Variants in DOCK8 observed in about 807,000 individuals in gnomAD.
DOCK8 encodes dedicator of cytokinesis 8.
Under a neutral mutation model 245.6 loss-of-function variants are expected in DOCK8, and 141 were observed. The ratio of observed to expected loss-of-function variants is 0.57; its 90% CI spans 0.50 to 0.66. The LOEUF (loss-of-function observed/expected upper bound fraction) is 0.66, where lower values mean the gene tolerates loss of function less well. Ranked by LOEUF, DOCK8 falls within the 30% of genes least tolerant of loss-of-function variation. The pLI is 0.00. For missense variants in DOCK8, 2,965 were observed against 2,603.4 expected (o/e 1.14, Z -3.02); for synonymous variants, 1,168 against 970.2 (o/e 1.20, Z -3.79).
In DOCK8 at chr9:353,047, T is replaced by C. The variant is rs182790848; in HGVS notation, c.1679+12726T>C. Among the ~76,000 whole-genome samples the C allele has an allele frequency of 2.9e-3, 442 of 152,324 alleles. 2 individuals are homozygous for C. The highest frequency in any genetic ancestry group is 5.1e-3 in the Non-Finnish European group (346 of 68,016). On this transcript the variant is annotated intron_variant, in intron 14 of 47. Coordinates refer to ENST00000432829, the MANE Select transcript of DOCK8 (RefSeq NM_203447.4). ...AGCCCCTGCTGTGTGTCAGACACTA[T>C]GCTTGGTGCTGAAATAGACAAGGAG...
intron 4 of DOCK8, among the ~76,000 whole-genome samples, chr9:303,535 C>G (rs1312108987): frequency 6.6e-6 from 1 of 152,110 alleles, no homozygotes; most frequent in Non-Finnish European, 1.5e-5. Flanking sequence ...CAAATTAACA[C>G]AGGAACAGAA....
intron 46 of DOCK8, 81 bp downstream of exon 46, chr9:452,198 C>T (rs1356855580): frequency 1.3e-5 from 12 of 890,586 alleles, no homozygotes; most frequent in Non-Finnish European, 2.2e-5. Context: ...TCAGCATCAC[C>T]TGAGAACTTG....
intron 14 of DOCK8, among the ~76,000 whole-genome samples, chr9:342,297 C>CTTTTTTTTTTTTTTTTT (rs34071975): frequency 3.2e-5 from 4 of 124,412 alleles, no homozygotes; most frequent in Non-Finnish European, 6.7e-5. Flanking sequence ...TTTCTTTTTT[C>CTTTTTTTTTTTTTTTTT]TTTTTTTTTT....
intron 25 of DOCK8, among the ~76,000 whole-genome samples, chr9:397,612 C>T (rs2054525292): frequency 6.6e-6 from 1 of 151,688 alleles, no homozygotes; most frequent in African/African-American, 2.4e-5. Context: ...ATCGCTTGAG[C>T]CCAGGAGGCG....
chr9:426,177 A>C (rs949910717), intron 33 of DOCK8, among the ~76,000 whole-genome samples: 1 of 152,152 alleles, frequency 6.6e-6, no homozygotes, highest in Non-Finnish European at 1.5e-5. Flanking sequence ...AGCAAAAAAA[A>C]CCATTCTGAT....
chr9:458,776 C>A (rs764504923), intron 46 of DOCK8, among the ~76,000 whole-genome samples: 16 of 152,122 alleles, frequency 1.1e-4, no homozygotes, highest in Non-Finnish European at 2.1e-4. Flanking sequence ...ATGCCACTGC[C>A]TTCCACCCTG....
At chr9:214,294 G>T, upstream of DOCK8, 1 of 540,964 alleles carries the variant, frequency 1.8e-6, no homozygotes. Flanking sequence ...CCGGAGAAAA[G>T]CATTCACGCC....
intron 45 of DOCK8, among the ~76,000 whole-genome samples, chr9:450,420 T>G (rs10814967): frequency 2.6e-5 from 4 of 151,888 alleles, no homozygotes; most frequent in Admixed American, 1.3e-4. Flanking sequence ...CCTGACTTCT[T>G]AGGCTACTTC....
chr9:332,565 T>TA, intron 10 of DOCK8, 87 bp downstream of exon 10: 2 of 898,898 alleles, frequency 2.2e-6, no homozygotes, highest in Admixed American at 1.8e-5. Context: ...TAATGGGCTT[T>TA]AGTCCCTAAT....
chr9:373,845 A>G (rs1427330738), intron 18 of DOCK8, among the ~76,000 whole-genome samples: 1 of 152,206 alleles, frequency 6.6e-6, no homozygotes, highest in Non-Finnish European at 1.5e-5. Flanking sequence ...TATGATTTGG[A>G]CATCAACACC....
intron 16 of DOCK8, 59 bp from the exon 17 acceptor site, chr9:371,369 A>G: frequency 1.9e-6 from 3 of 1,606,688 alleles, no homozygotes; most frequent in South Asian, 1.1e-5. Flanking sequence ...GCGTTTTACA[A>G]TCAGAGAAGT....
At chr9:316,255 G>C (rs779013181) in intron 6 of DOCK8, among the ~76,000 whole-genome samples, 3 of 152,202 alleles carry the variant, frequency 2.0e-5, no homozygotes, top group Non-Finnish European at 2.9e-5. Context: ...CCAGTGTTTG[G>C]AAAGCATACT....
intron 6 of DOCK8, among the ~76,000 whole-genome samples, chr9:315,356 A>G (rs1280707266): frequency 6.6e-6 from 1 of 152,204 alleles, no homozygotes; most frequent in Non-Finnish European, 1.5e-5. Flanking sequence ...TCAGTTAGCT[A>G]TAAAGCCTGA....
intron 29 of DOCK8, among the ~76,000 whole-genome samples, chr9:415,720 C>T (rs549924280): frequency 1.6e-5 from 2 of 125,924 alleles, no homozygotes; most frequent in Non-Finnish European, 3.2e-5. Flanking sequence ...AATTCCTATC[C>T]CATCAGAGTA....
chr9:335,566 C>G (rs2051270292), intron 11 of DOCK8, among the ~76,000 whole-genome samples: 1 of 152,146 alleles, frequency 6.6e-6, no homozygotes, highest in Non-Finnish European at 1.5e-5. Context: ...CACTTTACCA[C>G]ATCCTGATCT....
At chr9:314,816 A>AT (rs34106754) in intron 6 of DOCK8, among the ~76,000 whole-genome samples, 77,644 of 152,020 alleles carry the variant, frequency 0.51, 20,886 homozygotes, top group African/African-American at 0.66. Context: ...ATTTTTAAAT[A>AT]TATCATTACT....
At chr9:313,489 G>C (rs1257480405) in intron 6 of DOCK8, among the ~76,000 whole-genome samples, 1 of 152,134 alleles carries the variant, frequency 6.6e-6, no homozygotes, top group Non-Finnish European at 1.5e-5. Flanking sequence ...TTTGTCAGCA[G>C]CCTCAAATGG....
chr9:386,457 C>T (rs773993331), intron 23 of DOCK8, 31 bp downstream of exon 23: 3 of 1,588,074 alleles, frequency 1.9e-6, no homozygotes, highest in South Asian at 1.1e-5. Flanking sequence ...AGGTTCATCC[C>T]AGGATAAGAA....
Position 379,836 on chromosome 9 carries a change from G to C in DOCK8, c.2506G>C (p.Asp836His), listed in dbSNP as rs377055970. Reference sequence around the variant, plus strand: ...CGCCAACAGTCTGCACAACAGCAAGGACCTGAGCAAGGACCAGCATGGGAG... The same window carrying C: ...CGCCAACAGTCTGCACAACAGCAAGCACCTGAGCAAGGACCAGCATGGGAG... ...AIANSLHNSK[D>H]LSKDQHGRNC... Residue 836 changes from aspartate to histidine, a missense_variant, in exon 21 of 48, where the codon GAC (aspartate) becomes CAC (histidine). Transcript: ENST00000432829. 1.7e-5 allele frequency: 27 copies of C among 1,614,188 alleles called. No individual in the cohort carries two copies. Among genetic ancestry groups the C allele is most frequent in the Non-Finnish European group, 2.1e-5 (25 of 1,180,030 alleles).
Sources: allele counts gnomAD v4.1 joint callset (sites outside exome capture counted in the v4.1 genomes callset), GRCh38; gene constraint gnomAD v4.1.1; transcripts MANE v1.5; gene names NCBI Gene and HGNC (gene_info 2026-07-23, HGNC 2026-07-21).